Variants in DCHS2 observed in about 807,000 individuals in gnomAD.
The protein encoded by DCHS2 is dachsous cadherin-related 2, also known as protocadherin-23.
In DCHS2, 142 loss-of-function variants were observed where a neutral mutation model predicts 182.4. That is an observed-to-expected ratio of 0.78 (90% CI 0.68 to 0.89). The LOEUF (loss-of-function observed/expected upper bound fraction) is 0.89. Ranked by LOEUF, DCHS2 falls within the 40% of genes least tolerant of loss-of-function variation. DCHS2 has a pLI of 0.00. For missense variants in DCHS2, 4,319 were observed against 4,198.6 expected, an observed-to-expected ratio of 1.03 and a Z score of -0.79; for synonymous variants, 1,740 against 1,663.3, an observed-to-expected ratio of 1.05 and a Z score of -1.12.
intron 2 of DCHS2, chr4:154,373,847 C>G (rs1201756716): frequency 8.0e-7 from 1 of 1,257,650 alleles, no homozygotes; most frequent in East Asian, 2.3e-5. Flanking sequence ...AAGGAAAACT[C>G]GAAGCTCTGA....
intron 9 of DCHS2, among the ~76,000 whole-genome samples, chr4:154,320,032 T>C (rs906249148): frequency 2.6e-5 from 4 of 152,150 alleles, no homozygotes; most frequent in African/African-American, 9.7e-5. Flanking sequence ...TTCTACAAGA[T>C]GTGACAGTAT....
intron 3 of DCHS2, among the ~76,000 whole-genome samples, chr4:154,349,248 C>A (rs1290053107): frequency 6.7e-6 from 1 of 149,976 alleles, no homozygotes; most frequent in Non-Finnish European, 1.5e-5. Flanking sequence ...CAGTTACTTT[C>A]CTTGTAAAGG....
chr4:154,318,142 A>G (rs1031516848), intron 9 of DCHS2, among the ~76,000 whole-genome samples: 3 of 152,022 alleles, frequency 2.0e-5, no homozygotes, highest in African/African-American at 7.2e-5. Flanking sequence ...GAGCATAGTT[A>G]ATATTAACAA....
intron 1 of DCHS2, among the ~76,000 whole-genome samples, chr4:154,437,165 T>C (rs1733814490): frequency 6.6e-6 from 1 of 152,150 alleles, no homozygotes; most frequent in Non-Finnish European, 1.5e-5. Flanking sequence ...CTTAGACAGT[T>C]CACCCAGGAG....
At chr4:154,290,569 G>A (rs1254444142) in intron 13 of DCHS2, among the ~76,000 whole-genome samples, 2 of 103,678 alleles carry the variant, frequency 1.9e-5, no homozygotes, top group Non-Finnish European at 4.5e-5. Context: ...AAAACAGCAT[G>A]GTTCTGGCAT....
rs1438759432 is a variant in DCHS2, at chr4:154,314,494, G to T, written c.5260+1254C>A. On this transcript the variant is annotated intron_variant, in intron 10 of 19. Coordinates refer to ENST00000357232, the MANE Select transcript of DCHS2 (RefSeq NM_001358235.2). ...CACTCCGGTCAAAGACAGAAAATTG[G>T]GTTAGCCCTTGAAAAGAGTGTTAGT... Among the ~76,000 whole-genome samples the T allele has an allele frequency of 2.6e-5, 4 of 152,034 alleles. No individual in the cohort carries two copies. The East Asian group carries it at 7.7e-4, about 29-fold the overall frequency.
rs759624237 is a variant in DCHS2, at chr4:154,329,720, A to C, written c.3731-10T>G. 6.2e-7 allele frequency: 1 copy of C among 1,606,020 alleles called. No homozygotes were observed. The highest frequency in any genetic ancestry group is 1.1e-5 in the South Asian group (1 of 90,816). ...CAATTGATTAACTCTCCTGCAGAGT[A>C]CAGAGCAGAACAAGACACAGGCACT... is the stretch of plus-strand genomic sequence containing the variant. On this transcript the variant is annotated splice_polypyrimidine_tract_variant and intron_variant, in intron 5 of 19. Transcript: ENST00000357232.
At chr4:154,275,847 AG>A (rs1733831500) in intron 13 of DCHS2, among the ~76,000 whole-genome samples, 2 of 152,214 alleles carry the variant, frequency 1.3e-5, no homozygotes, top group Non-Finnish European at 2.9e-5. Context: ...AGAACTGCAA[AG>A]AAGAGTTATA....
intron 1 of DCHS2, among the ~76,000 whole-genome samples, chr4:154,397,875 A>C (rs1731998874): frequency 6.6e-6 from 1 of 152,218 alleles, no homozygotes; most frequent in Non-Finnish European, 1.5e-5. Flanking sequence ...CCAAAAATGA[A>C]TAATGAAAAC....
At chr4:154,308,875 T>C (rs564013292) in intron 10 of DCHS2, among the ~76,000 whole-genome samples, 44 of 152,250 alleles carry the variant, frequency 2.9e-4, no homozygotes, top group African/African-American at 1.0e-3. Context: ...TCCCCCTGAA[T>C]AGACATGATG....
chr4:154,260,197 A>G (rs1191679200), intron 14 of DCHS2, among the ~76,000 whole-genome samples: 4 of 152,096 alleles, frequency 2.6e-5, no homozygotes, highest in African/African-American at 9.7e-5. Flanking sequence ...AAAGCCTCCC[A>G]TTGCCGGGCC....
In DCHS2 at chr4:154,489,297, C is replaced by A. The variant is rs905354685; in HGVS notation, c.2052+7G>T. Reference sequence around the variant, plus strand: ...TTCAGGTTGGCCCACAGGCCTGATGCACTCACCTGCAGAAAGCAGTGTCCA... The same window carrying A: ...TTCAGGTTGGCCCACAGGCCTGATGAACTCACCTGCAGAAAGCAGTGTCCA... On this transcript the variant is annotated splice_region_variant and intron_variant, in intron 1 of 19. Coordinates refer to ENST00000357232, the MANE Select transcript of DCHS2 (RefSeq NM_001358235.2). 1.3e-6 allele frequency: 2 copies of A among 1,502,856 alleles called. No individual in the cohort carries two copies. Among genetic ancestry groups the A allele is most frequent in the African/African-American group, 2.8e-5 (2 of 72,288 alleles). The allele number at this position is 1,502,856 out of a possible 1,614,324, so 93.1% of individuals were successfully genotyped here.
At position 154,490,432 on chromosome 4, in the gene DCHS2, G is replaced by A. The variant is rs1168085084; in HGVS notation, c.924C>T (p.Asp308=). Residue 308 remains aspartate, a synonymous_variant, in exon 1 of 20, where the codon GAC becomes GAT. Transcript: ENST00000357232. The stretch of plus-strand genomic sequence containing the variant: ...GACAGACCTCGGCGCCCGGCTGGGC[G>A]TCCTCGCGCACCGCGGCGCGGTACT... The part of the protein sequence containing the change: ...QDEYRAAVRE[D]AQPGAEVCRV... 7 of 1,534,022 alleles carry A rather than the reference G, an allele frequency of 4.6e-6. No individual in the cohort carries two copies. The highest frequency in any genetic ancestry group is 5.2e-6 in the Non-Finnish European group (6 of 1,145,248).
In DCHS2 at chr4:154,328,083, T is replaced by G. The variant is rs1254633837; in HGVS notation, c.4018+10A>C. The G allele has an allele frequency of 2.8e-5, 45 of 1,583,320 alleles. No homozygotes were observed. The highest frequency in any genetic ancestry group is 3.9e-5 in the Non-Finnish European group (45 of 1,163,150). On this transcript the variant is annotated intron_variant, in intron 7 of 19. Transcript: ENST00000357232. ...AAAGTTCTTAATCCCGTATGAACAG[T>G]AAGTTTTACCTGAAGATACTGAGTA...
At chr4:154,434,775 C>T (rs2110942726) in intron 1 of DCHS2, among the ~76,000 whole-genome samples, 1 of 152,222 alleles carries the variant, frequency 6.6e-6, no homozygotes, top group Admixed American at 6.5e-5. Flanking sequence ...GGTATTTTAC[C>T]TCTGTGGTCT....
intron 1 of DCHS2, among the ~76,000 whole-genome samples, chr4:154,454,642 C>A (rs1475821757): frequency 1.3e-5 from 2 of 152,128 alleles, no homozygotes. Flanking sequence ...CTATGACCCC[C>A]CTCCCATTCA....
chr4:154,363,901 G>T (rs545201279), intron 3 of DCHS2, among the ~76,000 whole-genome samples: 29 of 152,042 alleles, frequency 1.9e-4, no homozygotes, highest in Non-Finnish European at 4.0e-4. Context: ...CCTGTTCACC[G>T]GACAACTTTT....
chr4:154,264,410 A>G (rs1168594756), intron 14 of DCHS2, among the ~76,000 whole-genome samples: 1 of 152,198 alleles, frequency 6.6e-6, no homozygotes, highest in Non-Finnish European at 1.5e-5. Flanking sequence ...AAAGACAAAG[A>G]GTTGAAAAAA....
intron 3 of DCHS2, among the ~76,000 whole-genome samples, chr4:154,365,901 G>A (rs896666334): frequency 1.3e-5 from 2 of 151,304 alleles, no homozygotes; most frequent in African/African-American, 4.9e-5. Flanking sequence ...ACCCACCTCG[G>A]CCCCCCAAAG....
Sources: allele counts gnomAD v4.1 joint callset (sites outside exome capture counted in the v4.1 genomes callset), GRCh38; gene constraint gnomAD v4.1.1; transcripts MANE v1.5; gene names NCBI Gene and HGNC (gene_info 2026-07-23, HGNC 2026-07-21).